OGDH: variants seen among roughly 807,000 people sequenced by gnomAD.
OGDH encodes the protein oxoglutarate dehydrogenase, also known as 2-oxoglutarate dehydrogenase complex component E1.
Under a neutral mutation model 116.6 loss-of-function variants are expected in OGDH, and 38 were observed. That is an observed-to-expected ratio of 0.33 (90% confidence interval 0.25 to 0.43). The LOEUF (loss-of-function observed/expected upper bound fraction) is 0.43. Among genes scored for constraint, OGDH ranks in the 20% least tolerant of loss-of-function variants. The probability of loss-of-function intolerance (pLI) is 1.00; values close to 1 mark genes in which losing one functional copy is unlikely to be tolerated. For synonymous variants in OGDH, 488 were observed against 533.3 expected (o/e 0.92, Z 1.17); for missense variants, 825 against 1,357.2 (o/e 0.61, Z 6.16).
intron 4 of OGDH, among the ~76,000 whole-genome samples, chr7:44,655,560 G>C (rs1786652426): frequency 6.6e-6 from 1 of 152,196 alleles, no homozygotes; most frequent in Non-Finnish European, 1.5e-5. Context: ...GCTTCTCTGT[G>C]TGCCTGTGTT....
At position 44,707,136 on chromosome 7, in the gene OGDH, G is replaced by A. The variant is rs556710723; in HGVS notation, c.2633-89G>A. On this transcript the variant is annotated intron_variant, in intron 20 of 22. Coordinates refer to ENST00000222673, the MANE Select transcript of OGDH (RefSeq NM_002541.4). The surrounding 1 kb of genome is among the most constrained non-coding windows in gnomAD (Gnocchi z 5.2). ...TAACCCTTGAAAGCTGCGTCTCCTG[G>A]CAGCAGTCCCTGGCACAGCCCTGGG... is the stretch of plus-strand genomic sequence containing the variant. 2 of 1,396,498 alleles carry A rather than the reference G, an allele frequency of 1.4e-6. No homozygotes were observed. The highest frequency in any genetic ancestry group is 2.6e-5 in the South Asian group (2 of 75,982). The allele number at this position is 1,396,498 out of a possible 1,614,324, so 86.5% of individuals were successfully genotyped here. A position where few individuals can be genotyped will look rare whatever the true frequency, so the allele number is the denominator to read the frequency against.
At chr7:44,679,669 AT>A (rs1390811162) in intron 9 of OGDH, among the ~76,000 whole-genome samples, 1 of 152,178 alleles carries the variant, frequency 6.6e-6, no homozygotes, top group Non-Finnish European at 1.5e-5. Context: ...TCTAGATGGC[AT>A]TTTGTAAAGA....
intron 4 of OGDH, among the ~76,000 whole-genome samples, chr7:44,654,107 GGTCTCCCAAAGT>G (rs1786579217): frequency 1.3e-5 from 2 of 152,118 alleles, no homozygotes; most frequent in South Asian, 4.1e-4. Context: ...CACCTGCTTT[GGTCTCCCAAAGT>G]GCTGGGATTA....
In OGDH at chr7:44,630,310, G is replaced by A. The variant is rs538774507; in HGVS notation, c.222+5745G>A. On this transcript the variant is annotated intron_variant, in intron 2 of 22. Coordinates refer to ENST00000222673, the MANE Select transcript of OGDH (RefSeq NM_002541.4). ...CTAGCCGCTGCATGTGCGGTGAAGG[G>A]GCTTCCCACAGTGGGTATGTGGAAG... is the stretch of plus-strand genomic sequence containing the variant. Among the ~76,000 whole-genome samples the A allele has an allele frequency of 5.3e-5, 8 of 152,310 alleles. No individual in the cohort carries two copies. The South Asian group carries it at 1.0e-3, about 20-fold the overall frequency.
At position 44,693,724 on chromosome 7, in the gene OGDH, C is replaced by G. The variant is rs1788460880; in HGVS notation, c.1336-101C>G. ...ATTTTGGGGTACGTACTCAGAGTAG[C>G]CAGATGGCAAGTGCATGCCATGCCC... On this transcript the variant is annotated intron_variant, in intron 10 of 22. Transcript: ENST00000222673. 11 of 1,020,164 alleles carry G rather than the reference C, an allele frequency of 1.1e-5. No individual in the cohort carries two copies. In the South Asian group the frequency reaches 1.7e-4, roughly 16 times the overall value. The allele number at this position is 1,020,164 out of a possible 1,614,324, so 63.2% of individuals were successfully genotyped here.
At chr7:44,666,704 A>G in intron 4 of OGDH, 32 bp from the exon 5 acceptor site, 3 of 1,369,766 alleles carry the variant, frequency 2.2e-6, no homozygotes, top group East Asian at 2.5e-5. Flanking sequence ...ATCCCTCCTC[A>G]TCTGGCTTGT....
chr7:44,679,753 A>G (rs1406995912), intron 9 of OGDH, among the ~76,000 whole-genome samples: 1 of 152,222 alleles, frequency 6.6e-6, no homozygotes, highest in African/African-American at 2.4e-5. Context: ...GGTTTCATCC[A>G]GTCAGTTCAA....
chr7:44,660,642 G>T (rs1041764432), intron 4 of OGDH, among the ~76,000 whole-genome samples: 1 of 152,110 alleles, frequency 6.6e-6, no homozygotes, highest in African/African-American at 2.4e-5. Context: ...CTAAATGTCT[G>T]CTAGAGCCAG....
intron 2 of OGDH, among the ~76,000 whole-genome samples, chr7:44,640,279 A>G (rs1785870906): frequency 6.6e-6 from 1 of 152,184 alleles, no homozygotes; most frequent in South Asian, 2.1e-4. Flanking sequence ...AGTTAACCTT[A>G]TTAATACCCT....
intron 9 of OGDH, among the ~76,000 whole-genome samples, chr7:44,678,702 A>G (rs1211678738): frequency 1.3e-5 from 2 of 152,148 alleles, no homozygotes; most frequent in Admixed American, 6.5e-5. Flanking sequence ...AAGCCCTCAC[A>G]TGTCCCCAGC....
intron 4 of OGDH, among the ~76,000 whole-genome samples, chr7:44,649,153 A>C (rs1413491555): frequency 6.6e-6 from 1 of 151,694 alleles, no homozygotes; most frequent in African/African-American, 2.4e-5. Context: ...TGAAGAGCAC[A>C]GGGACTTGCA....
Position 44,693,947 on chromosome 7 carries a change from G to A in OGDH, c.1458G>A (p.Val486=), listed in dbSNP as rs1382383513. The A allele has an allele frequency of 6.2e-7, 1 of 1,614,028 alleles. No individual in the cohort carries two copies. Among genetic ancestry groups the A allele is most frequent in the Non-Finnish European group, 8.5e-7 (1 of 1,179,978 alleles). The change falls in exon 11 of 23, where the codon GTG becomes GTA. Residue 486 remains valine (V), a synonymous_variant. Transcript: ENST00000222673. ...NSDDPEAVMY[V]CKVAAEWRST... is the part of the protein sequence containing the mutation. ...ATGACCCCGAGGCTGTCATGTACGT[G>A]TGCAAAGTGGCGGCCGAGTGGAGGA...
At chr7:44,682,628 G>A (rs1183866071) in intron 10 of OGDH, among the ~76,000 whole-genome samples, 2 of 151,910 alleles carry the variant, frequency 1.3e-5, no homozygotes, top group East Asian at 1.9e-4. Context: ...CCCTTGAGGC[G>A]GAGGTTACCG....
intron 4 of OGDH, among the ~76,000 whole-genome samples, chr7:44,653,878 G>C (rs1349297129): frequency 6.9e-6 from 1 of 144,658 alleles, no homozygotes; most frequent in Non-Finnish European, 1.5e-5. Context: ...TTTTTGAGAC[G>C]GAGTCTCGCT....
intron 10 of OGDH, among the ~76,000 whole-genome samples, chr7:44,693,033 G>A (rs1788428641): frequency 6.6e-6 from 1 of 151,900 alleles, no homozygotes; most frequent in Non-Finnish European, 1.5e-5. Context: ...TTCTTGCTGG[G>A]CGTGGTGGCT....
chr7:44,671,141 T>C (rs576110582), intron 5 of OGDH, among the ~76,000 whole-genome samples: 3 of 152,278 alleles, frequency 2.0e-5, no homozygotes, highest in South Asian at 2.1e-4. Context: ...AGGGGTTATT[T>C]GGCTCACAAT....
At chr7:44,641,724 T>C (rs1230382459) in intron 2 of OGDH, among the ~76,000 whole-genome samples, 2 of 152,232 alleles carry the variant, frequency 1.3e-5, no homozygotes, top group East Asian at 3.8e-4. Flanking sequence ...ACAATGAAGA[T>C]GGATGTCCAA....
rs1562653270 is a variant in OGDH, at chr7:44,666,769, A to G, written c.551A>G (p.Lys184Arg). 3 of 1,613,012 alleles carry G rather than the reference A, an allele frequency of 1.9e-6. No individual in the cohort carries two copies. The highest frequency in any genetic ancestry group is 1.3e-5 in the African/African-American group (1 of 74,812). ...FYGLDESDLDKVFHLPTTTFI... is the reference protein window; with the variant it reads ...FYGLDESDLDRVFHLPTTTFI... ...GGCCTGGATGAGTCTGACCTCGACA[A>G]GGTCTTCCACTTGCCCACCACCACT... The change falls in exon 5 of 23, where the codon AAG (lysine) becomes AGG (arginine). Residue 184 changes from lysine to arginine, a missense_variant. Transcript: ENST00000222673.
intron 4 of OGDH, among the ~76,000 whole-genome samples, chr7:44,648,468 A>G (rs1273504278): frequency 6.6e-6 from 1 of 152,190 alleles, no homozygotes; most frequent in East Asian, 1.9e-4. Flanking sequence ...AGTCTGCTTT[A>G]TGTCACTGTG....
Sources: allele counts gnomAD v4.1 joint callset (sites outside exome capture counted in the v4.1 genomes callset), GRCh38; gene constraint gnomAD v4.1.1; non-coding constraint Gnocchi (gnomAD v3.1); transcripts MANE v1.5; gene names NCBI Gene and HGNC (gene_info 2026-07-23, HGNC 2026-07-21).